Variants in SLIT3 observed in about 807,000 individuals in gnomAD.
SLIT3 encodes slit homolog 3 protein.
A neutral mutation model predicts 184.0 loss-of-function variants in SLIT3; 68 were observed. That is an observed-to-expected ratio of 0.37 (90% CI 0.30 to 0.45). SLIT3 has a LOEUF of 0.45. Among genes scored for constraint, SLIT3 ranks in the 20% least tolerant of loss-of-function variants. The probability of loss-of-function intolerance (pLI) is 1.00; values close to 1 mark genes in which losing one functional copy is unlikely to be tolerated. For synonymous variants in SLIT3, 831 were observed against 828.6 expected (o/e 1.00, Z -0.05); for missense variants, 1,707 against 2,026.0 (o/e 0.84, Z 3.02).
intron 5 of SLIT3, among the ~76,000 whole-genome samples, chr5:168,882,040 A>G (rs148878693): frequency 6.6e-6 from 1 of 152,294 alleles, no homozygotes; most frequent in Non-Finnish European, 1.5e-5. Flanking sequence ...CTTTGCATGT[A>G]AAACACCAAA....
intron 15 of SLIT3, 149 bp from the exon 16 acceptor site, chr5:168,761,085 G>A: frequency 1.5e-6 from 1 of 648,134 alleles, no homozygotes; most frequent in Non-Finnish European, 2.8e-6. Flanking sequence ...CCCATCAACA[G>A]AGGGGCCCAG....
chr5:169,101,824 G>A (rs919317176), intron 4 of SLIT3, among the ~76,000 whole-genome samples: 1 of 152,136 alleles, frequency 6.6e-6, no homozygotes, highest in African/African-American at 2.4e-5. Flanking sequence ...TGCTTAGAGT[G>A]TCTTTTATCT....
chr5:169,179,613 G>A (rs779972368), intron 4 of SLIT3, among the ~76,000 whole-genome samples: 6 of 150,356 alleles, frequency 4.0e-5, no homozygotes, highest in Admixed American at 6.6e-5. Context: ...ACCCACTGTT[G>A]GAGTATGAAA....
At chr5:168,868,691 C>T (rs1027533724) in intron 5 of SLIT3, among the ~76,000 whole-genome samples, 5 of 138,216 alleles carry the variant, frequency 3.6e-5, no homozygotes, top group South Asian at 4.4e-4. Flanking sequence ...GAGGTTACAG[C>T]GAGCTGAGAT....
At chr5:168,833,330 G>C (rs1757937814) in intron 6 of SLIT3, among the ~76,000 whole-genome samples, 1 of 152,220 alleles carries the variant, frequency 6.6e-6, no homozygotes, top group African/African-American at 2.4e-5. Flanking sequence ...TTTATCCTCT[G>C]ATATTTGCAA....
chr5:168,722,132 G>A (rs1316384673), intron 23 of SLIT3, 124 bp downstream of exon 23: 4 of 791,368 alleles, frequency 5.1e-6, no homozygotes, highest in Non-Finnish European at 8.5e-6. Context: ...AGGGTGCTGG[G>A]TAGGAAGGTG....
chr5:169,138,753 GGC>G (rs1330906762), intron 4 of SLIT3, among the ~76,000 whole-genome samples: 9 of 152,202 alleles, frequency 5.9e-5, no homozygotes, highest in Non-Finnish European at 1.3e-4. Flanking sequence ...CCCCACGCAT[GGC>G]ACACTTGCAT....
chr5:169,254,833 T>C (rs528728575), intron 1 of SLIT3, among the ~76,000 whole-genome samples: 2 of 152,368 alleles, frequency 1.3e-5, no homozygotes, highest in South Asian at 4.1e-4. Flanking sequence ...CCTTTGGGAC[T>C]CAGCCTCAGC....
chr5:169,001,864 C>T (rs1472659605), intron 4 of SLIT3, among the ~76,000 whole-genome samples: 1 of 152,124 alleles, frequency 6.6e-6, no homozygotes, highest in Admixed American at 6.6e-5. Context: ...AAGTCTCCCT[C>T]CTTTTTTTTT....
intron 16 of SLIT3, among the ~76,000 whole-genome samples, chr5:168,759,721 A>G (rs1755074468): frequency 1.3e-5 from 2 of 152,182 alleles, no homozygotes; most frequent in African/African-American, 4.8e-5. Context: ...ACACCCGAGA[A>G]TGACTGTGAA....
Position 168,677,886 on chromosome 5 carries a change from T to C in SLIT3, c.3687-4555A>G, listed in dbSNP as rs923421144. Among the ~76,000 whole-genome samples the C allele has an allele frequency of 2.0e-5, 3 of 152,086 alleles. No individual in the cohort carries two copies. In the South Asian group the frequency reaches 6.2e-4, roughly 32 times the overall value. On this transcript the variant is annotated intron_variant, in intron 32 of 35. Coordinates refer to ENST00000519560, the MANE Select transcript of SLIT3 (RefSeq NM_003062.4). Reference sequence around the variant, plus strand: ...GCAGCAACTGGGGTGGGGGAGTAGGTTAGTGGGCCCTGGAAGAACCTGCCT... The same window carrying C: ...GCAGCAACTGGGGTGGGGGAGTAGGCTAGTGGGCCCTGGAAGAACCTGCCT...
intron 4 of SLIT3, among the ~76,000 whole-genome samples, chr5:168,884,019 C>T (rs980110248): frequency 4.6e-5 from 7 of 152,168 alleles, no homozygotes; most frequent in Middle Eastern, 3.4e-3. Context: ...GGGATAGTGT[C>T]AGGTTCTACA....
intron 1 of SLIT3, among the ~76,000 whole-genome samples, chr5:169,289,892 CACTAGGGCATATGCTAGGGCACAT>C (rs1767283807): frequency 6.6e-6 from 1 of 152,124 alleles, no homozygotes; most frequent in Non-Finnish European, 1.5e-5. Flanking sequence ...CTAGGGCACA[CACTAGGGCATATGCTAGGGCACAT>C]ACTAGGGCAT....
intron 4 of SLIT3, among the ~76,000 whole-genome samples, chr5:169,192,617 CA>C (rs1763593868): frequency 6.6e-6 from 1 of 152,120 alleles, no homozygotes; most frequent in Non-Finnish European, 1.5e-5. Flanking sequence ...ATGGTGGCCA[CA>C]ACGTTGGAGC....
At chr5:168,793,254 T>C (rs868463216) in intron 10 of SLIT3, among the ~76,000 whole-genome samples, 2 of 152,314 alleles carry the variant, frequency 1.3e-5, no homozygotes, top group Middle Eastern at 3.4e-3. Flanking sequence ...TTTTTTCTTT[T>C]CTTTTTTGGT....
chr5:169,246,681 G>A (rs1017488873), intron 2 of SLIT3, among the ~76,000 whole-genome samples: 1 of 151,936 alleles, frequency 6.6e-6, no homozygotes, highest in African/African-American at 2.4e-5. Context: ...AGCATTTTGG[G>A]AGGCTGAGGC....
At position 168,772,758 on chromosome 5, in the gene SLIT3, G is replaced by T. The variant is rs774657396; in HGVS notation, c.1459+23C>A. 5 of 1,613,610 alleles carry T rather than the reference G, an allele frequency of 3.1e-6. No homozygotes were observed. In the African/African-American group the frequency reaches 4.0e-5, roughly 13 times the overall value. ...GCTGCATTCTGAGTCAGAAAGCGGG[G>T]CCCAGCCCCGTAACCTGATTACCTG... On this transcript the variant is annotated intron_variant, in intron 14 of 35. Coordinates refer to ENST00000519560, the MANE Select transcript of SLIT3 (RefSeq NM_003062.4).
chr5:168,810,354 T>C (rs1757120764), intron 8 of SLIT3, among the ~76,000 whole-genome samples: 1 of 152,226 alleles, frequency 6.6e-6, no homozygotes, highest in South Asian at 2.1e-4. Flanking sequence ...TGTCCTTGAG[T>C]GAGCCTATGT....
At chr5:169,100,333 A>G (rs1360637967) in intron 4 of SLIT3, among the ~76,000 whole-genome samples, 2 of 152,196 alleles carry the variant, frequency 1.3e-5, no homozygotes, top group Non-Finnish European at 2.9e-5. Flanking sequence ...GCAAAGTCAC[A>G]TGAAAGATTT....
Sources: allele counts gnomAD v4.1 joint callset (sites outside exome capture counted in the v4.1 genomes callset), GRCh38; gene constraint gnomAD v4.1.1; transcripts MANE v1.5; gene names NCBI Gene and HGNC (gene_info 2026-07-23, HGNC 2026-07-21).